Variants in CCDC148 observed in about 807,000 individuals in gnomAD.
The protein encoded by CCDC148 is coiled-coil domain containing 148.
In CCDC148, 89 loss-of-function variants were observed where a neutral mutation model predicts 85.7. The observed-to-expected ratio is 1.04, with a 90% CI of 0.87 to 1.24. CCDC148 has a LOEUF of 1.24. CCDC148 is among the 50% of genes most tolerant of loss of function. The pLI, the probability that CCDC148 is intolerant of heterozygous loss-of-function variation, is 0.00. For synonymous variants in CCDC148, 230 were observed against 213.9 expected (o/e 1.08, Z -0.66); for missense variants, 692 against 671.7 (o/e 1.03, Z -0.33).
At chr2:158,295,739 C>A (rs1247828820) in intron 9 of CCDC148, among the ~76,000 whole-genome samples, 1 of 148,732 alleles carries the variant, frequency 6.7e-6, no homozygotes, top group Non-Finnish European at 1.5e-5. Flanking sequence ...ATAATAAGAG[C>A]TATCTATGAC....
chr2:158,174,469 T>C (rs1684476514), intron 13 of CCDC148, among the ~76,000 whole-genome samples: 1 of 142,712 alleles, frequency 7.0e-6, no homozygotes, highest in Non-Finnish European at 1.5e-5. Flanking sequence ...CCCCCACCAA[T>C]TTTCCATTCA....
chr2:158,353,412 G>A (rs1683434851), intron 2 of CCDC148, among the ~76,000 whole-genome samples: 1 of 150,596 alleles, frequency 6.6e-6, no homozygotes, highest in Non-Finnish European at 1.5e-5. Flanking sequence ...ACAAAAAAAG[G>A]CAGGGGTTGC....
At position 158,310,391 on chromosome 2, in the gene CCDC148, ACAAAACTGCCATCCT is replaced by A. The variant is rs1691919948; in HGVS notation, c.904-767_904-753del. ...CCTACATTTCCCCCTTTTCTATGCG[ACAAAACTGCCATCCT>A]CATCATGGCCCGTTCTCAATGAGCT... On this transcript the variant is annotated intron_variant, in intron 8 of 13. Transcript: ENST00000283233. Among the ~76,000 whole-genome samples, 4 of 152,354 alleles carry A rather than the reference ACAAAACTGCCATCCT, an allele frequency of 2.6e-5. No individual in the cohort carries two copies. The South Asian group carries it at 8.3e-4, about 32-fold the overall frequency.
At chr2:158,210,435 T>G (rs1686502088) in intron 11 of CCDC148, among the ~76,000 whole-genome samples, 1 of 152,086 alleles carries the variant, frequency 6.6e-6, no homozygotes, top group Admixed American at 6.5e-5. Flanking sequence ...TATTTAGGAC[T>G]TGAACTCAGC....
Position 158,393,319 on chromosome 2 carries a change from T to C in CCDC148, c.26-34749A>G, listed in dbSNP as rs1257376577. ...CATGAAGGAACTCTGGTCTGTGGAGTGAGGCAGAGATCATGATATCGTAGC... is the reference window on the plus strand; with the variant it reads ...CATGAAGGAACTCTGGTCTGTGGAGCGAGGCAGAGATCATGATATCGTAGC... On this transcript the variant is annotated intron_variant, in intron 1 of 13. Coordinates refer to ENST00000283233, the MANE Select transcript of CCDC148 (RefSeq NM_138803.4). 10 of 152,088 alleles carry C rather than the reference T, an allele frequency of 6.6e-5. No homozygotes were observed. The East Asian group carries it at 1.9e-3, about 29-fold the overall frequency. 9.4% of individuals were successfully genotyped at this position (152,088 alleles called of 1,614,324 possible).
At chr2:158,266,823 C>A (rs1689474982) in intron 9 of CCDC148, among the ~76,000 whole-genome samples, 1 of 151,516 alleles carries the variant, frequency 6.6e-6, no homozygotes, top group Admixed American at 6.6e-5. Context: ...TGGCTCAGTA[C>A]TAGTATTCCA....
intron 9 of CCDC148, among the ~76,000 whole-genome samples, chr2:158,292,428 C>A (rs947809235): frequency 6.6e-6 from 1 of 152,176 alleles, no homozygotes; most frequent in Non-Finnish European, 1.5e-5. Context: ...TTAATTCCTC[C>A]ATTATCACAC....
intron 11 of CCDC148, among the ~76,000 whole-genome samples, chr2:158,179,879 A>G (rs1190171762): frequency 6.6e-6 from 1 of 152,108 alleles, no homozygotes; most frequent in Non-Finnish European, 1.5e-5. Context: ...TTCCCTTAGC[A>G]TTCTATTTCC....
At chr2:158,234,928 T>C (rs1688029724) in intron 10 of CCDC148, among the ~76,000 whole-genome samples, 1 of 152,118 alleles carries the variant, frequency 6.6e-6, no homozygotes, top group African/African-American at 2.4e-5. Flanking sequence ...TTCCAAATTA[T>C]CTACAATGGA....
chr2:158,346,705 A>G (rs1014059018), intron 2 of CCDC148, among the ~76,000 whole-genome samples: 2 of 152,174 alleles, frequency 1.3e-5, no homozygotes, highest in Non-Finnish European at 2.9e-5. Context: ...ATATTTCATA[A>G]TTTCTCTGCT....
At chr2:158,450,074 T>C (rs1413102155) in intron 1 of CCDC148, among the ~76,000 whole-genome samples, 1 of 152,128 alleles carries the variant, frequency 6.6e-6, no homozygotes, top group Non-Finnish European at 1.5e-5. Flanking sequence ...GGTACTGTTG[T>C]CTTGCTGTCC....
At chr2:158,431,857 G>C (rs1687368379) in intron 1 of CCDC148, among the ~76,000 whole-genome samples, 1 of 152,082 alleles carries the variant, frequency 6.6e-6, no homozygotes, top group Non-Finnish European at 1.5e-5. Context: ...AGGATAGCTT[G>C]AACCTGGGAG....
chr2:158,197,429 G>A (rs1388906279), intron 11 of CCDC148, among the ~76,000 whole-genome samples: 2 of 152,158 alleles, frequency 1.3e-5, no homozygotes, highest in Non-Finnish European at 2.9e-5. Context: ...ATCCTACAAA[G>A]TTCTAAGCTT....
chr2:158,294,944 A>G (rs1691105101), intron 9 of CCDC148, among the ~76,000 whole-genome samples: 1 of 151,626 alleles, frequency 6.6e-6, no homozygotes, highest in African/African-American at 2.4e-5. Flanking sequence ...CAGATTTTTT[A>G]GTTTAGACTT....
At position 158,264,493 on chromosome 2, in the gene CCDC148, T is replaced by C. The variant is rs115191795; in HGVS notation, c.1111-13581A>G. ...AGCAATGAATATTTCAAACTAAATA[T>C]AGTGCATGTTGATATGTGTGCATTT... On this transcript the variant is annotated intron_variant, in intron 9 of 13. Transcript: ENST00000283233. 4.8e-3 allele frequency among the ~76,000 whole-genome samples: 726 copies of C among 152,222 alleles called. 2 individuals are homozygous for C. The highest frequency in any genetic ancestry group is 0.016 in the African/African-American group (664 of 41,564).
chr2:158,308,785 A>C (rs1362062009), intron 9 of CCDC148, among the ~76,000 whole-genome samples: 2 of 152,212 alleles, frequency 1.3e-5, no homozygotes, highest in Admixed American at 6.5e-5. Flanking sequence ...TCCCAGCACA[A>C]CAACCACTCT....
intron 5 of CCDC148, among the ~76,000 whole-genome samples, chr2:158,339,453 G>T (rs1415366086): frequency 6.6e-6 from 1 of 151,906 alleles, no homozygotes; most frequent in African/African-American, 2.4e-5. Context: ...TTTTTTATGA[G>T]TATTTATAAA....
intron 1 of CCDC148, among the ~76,000 whole-genome samples, chr2:158,393,030 C>T (rs796261391): frequency 1.4e-4 from 21 of 151,792 alleles, no homozygotes; most frequent in African/African-American, 5.1e-4. Context: ...AGATACTTGT[C>T]CATCTTGTGA....
intron 1 of CCDC148, among the ~76,000 whole-genome samples, chr2:158,428,761 T>A (rs1398675150): frequency 6.6e-6 from 1 of 151,898 alleles, no homozygotes; most frequent in Non-Finnish European, 1.5e-5. Flanking sequence ...AGAAATACCA[T>A]TTGACCCAGG....
Sources: gnomAD v4.1 joint callset for allele counts (sites outside exome capture counted in the v4.1 genomes callset) on GRCh38, gnomAD v4.1.1 for gene constraint, MANE v1.5 for transcripts, NCBI Gene and HGNC (gene_info 2026-07-23, HGNC 2026-07-21) for gene names.